LRTM2: variants seen among roughly 807,000 people sequenced by gnomAD.
LRTM2 encodes leucine-rich repeat and transmembrane domain-containing protein 2.
In LRTM2, 18 loss-of-function variants were observed where a neutral mutation model predicts 28.1. The ratio of observed to expected loss-of-function variants is 0.64; its 90% CI spans 0.44 to 0.95. The LOEUF is 0.95. Ranked by LOEUF, LRTM2 falls within the 40% of genes least tolerant of loss-of-function variation. LRTM2 has a pLI of 0.00. For synonymous variants in LRTM2, 250 were observed against 218.7 expected, an observed-to-expected ratio of 1.14 and a Z score of -1.26; for missense variants, 436 against 497.2, an observed-to-expected ratio of 0.88 and a Z score of 1.17.
rs372646353 is a variant in LRTM2, at chr12:1,828,773, A to G, written c.67+558A>G. ...GGAAGAGACTTTGGGGAGTGGGTCC[A>G]ACCCCTCCTGCATATAGGCAGACTG... On this transcript the variant is annotated intron_variant, in intron 3 of 4. Coordinates refer to ENST00000299194, the MANE Select transcript of LRTM2 (RefSeq NM_001039029.3). The surrounding 1 kb of genome is among the most constrained non-coding windows in gnomAD (Gnocchi z 4.2). Among the ~76,000 whole-genome samples, 271 of 152,316 alleles carry G rather than the reference A, an allele frequency of 1.8e-3. 1 individual carries two copies. Among genetic ancestry groups the G allele is most frequent in the African/African-American group, 6.3e-3 (262 of 41,572 alleles).
chr12:1,821,623 G>T (rs952157986), intron 1 of LRTM2, among the ~76,000 whole-genome samples: 5 of 152,164 alleles, frequency 3.3e-5, no homozygotes, highest in Admixed American at 6.5e-5. Flanking sequence ...GCTTGGGTGG[G>T]GGGTACACAG....
intron 4 of LRTM2, among the ~76,000 whole-genome samples, chr12:1,831,895 G>A: frequency 6.6e-6 from 1 of 152,118 alleles, no homozygotes; most frequent in Admixed American, 6.5e-5. Context: ...GTTTGCCTGT[G>A]GGCTTCCCCA....
rs766641270 is a variant in LRTM2, at chr12:1,831,239, C to T, written c.372C>T (p.Arg124=). The T allele has an allele frequency of 3.1e-6, 5 of 1,613,848 alleles. No homozygotes were observed. In the South Asian group the frequency reaches 4.4e-5, roughly 14 times the overall value. Residue 124 remains arginine, a synonymous_variant, in exon 4 of 5, where the codon CGC becomes CGT. Transcript: ENST00000299194. The part of the protein sequence containing the change: ...DLTNLTELQL[R]NNSIRTLDRD... ...CGAATCTGACTGAGCTTCAGCTGCG[C>T]AATAACAGCATCAGGACCCTGGACA... is the stretch of plus-strand genomic sequence containing the variant.
In LRTM2 at chr12:1,834,950, T is replaced by C. The variant is rs1297509436; in HGVS notation, c.*229T>C. 1 of 741,720 alleles carries C rather than the reference T, an allele frequency of 1.3e-6. No homozygotes were observed. Among genetic ancestry groups the C allele is most frequent in the Non-Finnish European group, 2.1e-6 (1 of 481,370 alleles). 45.9% of individuals were successfully genotyped at this position (741,720 alleles called of 1,614,324 possible). A position where few individuals can be genotyped will look rare whatever the true frequency, so the allele number is the denominator to read the frequency against. ...TGCTCCTGTCTGGGCCAGTAAATCT[T>C]TGGAACATGTGGGGGATCTCCCTAA... On this transcript the variant is annotated 3_prime_UTR_variant, in exon 5 of 5. Coordinates refer to ENST00000299194, the MANE Select transcript of LRTM2 (RefSeq NM_001039029.3). The surrounding 1 kb of genome is among the most constrained non-coding windows in gnomAD (Gnocchi z 7.6).
Position 1,835,110 on chromosome 12 carries a change from A to T in LRTM2, c.*389A>T. The T allele has an allele frequency of 5.2e-6, 1 of 193,498 alleles. No individual in the cohort carries two copies. 12.0% of individuals were successfully genotyped at this position (193,498 alleles called of 1,614,324 possible). ...ACCTTGCTGGTCCCACCTCACCTGC[A>T]TTGAGGGGACGGGGAGGGAGGGATC... On this transcript the variant is annotated 3_prime_UTR_variant, in exon 5 of 5. Transcript: ENST00000299194.
chr12:1,834,845 C>T lies in LRTM2; in HGVS notation c.*124C>T, dbSNP rs1864788189. ...CCGAGTCCACCCTCCTCCCCGCCCT[C>T]CAGCAGACAAGCCACACCGGGTTCT... On this transcript the variant is annotated 3_prime_UTR_variant, in exon 5 of 5. Transcript: ENST00000299194. This position sits in a 1 kb window ranked among gnomAD's most constrained non-coding sequence, Gnocchi z 7.6. The T allele has an allele frequency of 1.4e-6, 2 of 1,430,304 alleles. No homozygotes were observed. Among genetic ancestry groups the T allele is most frequent in the South Asian group, 1.5e-5 (1 of 67,268 alleles). The allele number at this position is 1,430,304 out of a possible 1,614,324, so 88.6% of individuals were successfully genotyped here.
At chr12:1,826,869 G>A (rs1434275483) in intron 1 of LRTM2, among the ~76,000 whole-genome samples, 2 of 152,248 alleles carry the variant, frequency 1.3e-5, no homozygotes, top group African/African-American at 2.4e-5. Context: ...GACAGGCCAA[G>A]ATTCTGGGCT....
At chr12:1,821,879 C>G (rs1864118637) in intron 1 of LRTM2, among the ~76,000 whole-genome samples, 1 of 152,052 alleles carries the variant, frequency 6.6e-6, no homozygotes, top group Non-Finnish European at 1.5e-5. Context: ...TGGCACCCGG[C>G]TGTCAGGGCT....
In LRTM2 at chr12:1,829,811, G is replaced by C. The variant is rs1018155963; in HGVS notation, c.68-1124G>C. On this transcript the variant is annotated intron_variant, in intron 3 of 4. Coordinates refer to ENST00000299194, the MANE Select transcript of LRTM2 (RefSeq NM_001039029.3). The surrounding 1 kb of genome is among the most constrained non-coding windows in gnomAD (Gnocchi z 4.2). Reference sequence around the variant, plus strand: ...TGGCTGGGGTCTTTTCTCTAGGCTGGGTGGAACTGACCTCGGCTGGGCTGA... The same window carrying C: ...TGGCTGGGGTCTTTTCTCTAGGCTGCGTGGAACTGACCTCGGCTGGGCTGA... Among the ~76,000 whole-genome samples, 2 of 151,852 alleles carry C rather than the reference G, an allele frequency of 1.3e-5. No individual in the cohort carries two copies. The highest frequency in any genetic ancestry group is 4.8e-5 in the African/African-American group (2 of 41,380).
rs375953804 is a variant in LRTM2, at chr12:1,831,312, A to C, written c.445A>C (p.Ile149Leu). The stretch of plus-strand genomic sequence containing the variant: ...GCTGCTCCGCCACCTGGACCTGTCC[A>C]TCAACGGCCTGGCCCAGTTGCCCCC... ...SPLLRHLDLS[I>L]NGLAQLPPGL... The change falls in exon 4 of 5, where the codon ATC becomes CTC. Residue 149 changes from isoleucine to leucine, a missense_variant. Physicochemically the swap from Ile to Leu is conservative, Grantham distance 5 (BLOSUM62 2). Transcript: ENST00000299194. 2 of 1,613,812 alleles carry C rather than the reference A, an allele frequency of 1.2e-6. No homozygotes were observed. Among genetic ancestry groups the C allele is most frequent in the Non-Finnish European group, 1.7e-6 (2 of 1,180,026 alleles).
In LRTM2 at chr12:1,834,849, C is replaced by G; in HGVS notation, c.*128C>G. ...GTCCACCCTCCTCCCCGCCCTCCAG[C>G]AGACAAGCCACACCGGGTTCTCTCC... On this transcript the variant is annotated 3_prime_UTR_variant, in exon 5 of 5. Transcript: ENST00000299194. This position sits in a 1 kb window ranked among gnomAD's most constrained non-coding sequence, Gnocchi z 7.6. The G allele has an allele frequency of 2.1e-6, 3 of 1,427,110 alleles. No homozygotes were observed. The highest frequency in any genetic ancestry group is 2.7e-6 in the Non-Finnish European group (3 of 1,092,334). 88.4% of individuals were successfully genotyped at this position (1,427,110 alleles called of 1,614,324 possible). A position where few individuals can be genotyped will look rare whatever the true frequency, so the allele number is the denominator to read the frequency against.
chr12:1,825,665 GGT>G (rs1048763177), intron 1 of LRTM2, among the ~76,000 whole-genome samples: 1 of 152,204 alleles, frequency 6.6e-6, no homozygotes, highest in African/African-American at 2.4e-5. Context: ...GCTCTCTGTG[GGT>G]GTGTGTTTGC....
chr12:1,836,315 G>C lies in LRTM2; in HGVS notation c.*1594G>C, dbSNP rs913547500. 4.6e-5 allele frequency: 7 copies of C among 152,530 alleles called. No individual in the cohort carries two copies. In the East Asian group the frequency reaches 1.2e-3, roughly 25 times the overall value. 9.4% of individuals were successfully genotyped at this position (152,530 alleles called of 1,614,324 possible). A position where few individuals can be genotyped will look rare whatever the true frequency, so the allele number is the denominator to read the frequency against. On this transcript the variant is annotated 3_prime_UTR_variant, in exon 5 of 5. Transcript: ENST00000299194. ...TCAGGAGGCATCAGGCTCGTCCCTG[G>C]CTCTGGGATGGAATCTCGATGGGGG...
At chr12:1,824,320 C>T (rs1196217851) in intron 1 of LRTM2, among the ~76,000 whole-genome samples, 2 of 152,202 alleles carry the variant, frequency 1.3e-5, no homozygotes, top group Non-Finnish European at 1.5e-5. Context: ...CTGAGACTAC[C>T]TTCCTACAAG....
At chr12:1,824,473 C>G (rs980282244) in intron 1 of LRTM2, among the ~76,000 whole-genome samples, 1 of 152,204 alleles carries the variant, frequency 6.6e-6, no homozygotes, top group African/African-American at 2.4e-5. Flanking sequence ...CCAATCCTGG[C>G]TCTCTCTGGA....
chr12:1,827,122 C>G (rs1864367786), intron 1 of LRTM2, among the ~76,000 whole-genome samples: 1 of 152,160 alleles, frequency 6.6e-6, no homozygotes, highest in Non-Finnish European at 1.5e-5. Flanking sequence ...GGCATCCTCC[C>G]TCCCTCCCTG....
chr12:1,821,585 G>A (rs1007915764), intron 1 of LRTM2, among the ~76,000 whole-genome samples: 3 of 152,158 alleles, frequency 2.0e-5, no homozygotes, highest in South Asian at 2.1e-4. Context: ...AAATGGGTCA[G>A]GGAGCCTTAG....
Position 1,834,693 on chromosome 12 carries a change from A to C in LRTM2, c.1085A>C (p.Asp362Ala), listed in dbSNP as rs776784573. 3.1e-6 allele frequency: 5 copies of C among 1,601,500 alleles called. No homozygotes were observed. In the South Asian group the frequency reaches 5.5e-5, roughly 18 times the overall value. ...GGGGACCCCGAGGGCGAGCACGAGGACCAGAAGCAGATCTCTTCTGTGGCC... is the reference window on the plus strand; with the variant it reads ...GGGGACCCCGAGGGCGAGCACGAGGCCCAGAAGCAGATCTCTTCTGTGGCC... ...LMGDPEGEHE[D>A]QKQISSVA Residue 362 changes from aspartate to alanine, a missense_variant, in exon 5 of 5, where the codon GAC (aspartate) becomes GCC (alanine). Transcript: ENST00000299194. The surrounding 1 kb of genome is among the most constrained non-coding windows in gnomAD (Gnocchi z 7.6).
rs80195366 is a variant in LRTM2 at position 1,829,284 on chromosome 12, C to G, written c.67+1069C>G. On this transcript the variant is annotated intron_variant, in intron 3 of 4. Coordinates refer to ENST00000299194, the MANE Select transcript of LRTM2 (RefSeq NM_001039029.3). This position sits in a 1 kb window ranked among gnomAD's most constrained non-coding sequence, Gnocchi z 4.2. ...GATCCTTTTGAGAGGGAGCTGAATG[C>G]GTTGGATTTTATTTCCTGGGGAAAG... is the stretch of plus-strand genomic sequence containing the variant. 0.011 allele frequency among the ~76,000 whole-genome samples: 1,729 copies of G among 152,164 alleles called. 30 individuals are homozygous for G. Among genetic ancestry groups the G allele is most frequent in the African/African-American group, 0.039 (1,628 of 41,508 alleles).
Sources: gnomAD v4.1 joint callset for allele counts (sites outside exome capture counted in the v4.1 genomes callset) on GRCh38, gnomAD v4.1.1 for gene constraint, Gnocchi (gnomAD v3.1) non-coding constraint, MANE v1.5 for transcripts, NCBI Gene and HGNC (gene_info 2026-07-23, HGNC 2026-07-21) for gene names.